HCN1: variants seen among roughly 807,000 people sequenced by gnomAD.
The protein encoded by HCN1 is potassium/sodium hyperpolarization-activated cyclic nucleotide-gated channel 1.
In HCN1, 13 loss-of-function variants were observed where a neutral mutation model predicts 78.9. The observed-to-expected ratio is 0.16, with a 90% CI of 0.11 to 0.26. The LOEUF is 0.26. HCN1 is among the 10% of genes least tolerant of loss of function. The probability of loss-of-function intolerance (pLI) is 1.00; values close to 1 mark genes in which losing one functional copy is unlikely to be tolerated. For synonymous variants in HCN1, 552 were observed against 455.5 expected, an observed-to-expected ratio of 1.21 and a Z score of -2.70; for missense variants, 810 against 1,154.3, an observed-to-expected ratio of 0.70 and a Z score of 4.32.
intron 5 of HCN1, among the ~76,000 whole-genome samples, chr5:45,334,983 TA>T (rs1746424202): frequency 6.6e-6 from 1 of 152,030 alleles, no homozygotes; most frequent in African/African-American, 2.4e-5. Flanking sequence ...TTTTCTTGCA[TA>T]ACTATCTATT....
chr5:45,581,036 C>G (rs1171369041), intron 2 of HCN1, among the ~76,000 whole-genome samples: 3 of 152,102 alleles, frequency 2.0e-5, no homozygotes, highest in African/African-American at 7.2e-5. Context: ...GTTTTATAAC[C>G]CTTTGGGTAT....
intron 6 of HCN1, among the ~76,000 whole-genome samples, chr5:45,286,579 TG>T (rs771100310): frequency 6.6e-6 from 1 of 152,064 alleles, no homozygotes; most frequent in Non-Finnish European, 1.5e-5. Context: ...TTCTCACTCA[TG>T]TCCAATCTGA....
chr5:45,301,852 C>G (rs1745629668), intron 6 of HCN1, among the ~76,000 whole-genome samples: 1 of 151,176 alleles, frequency 6.6e-6, no homozygotes, highest in South Asian at 2.1e-4. Context: ...TAATGAGGAT[C>G]AAAATAATGA....
At chr5:45,608,343 G>T (rs1362515292) in intron 2 of HCN1, among the ~76,000 whole-genome samples, 1 of 147,760 alleles carries the variant, frequency 6.8e-6, no homozygotes, top group Non-Finnish European at 1.5e-5. Flanking sequence ...GTTCCAAATG[G>T]GTAGGATGGG....
chr5:45,638,453 A>C (rs929118556), intron 2 of HCN1, among the ~76,000 whole-genome samples: 1 of 152,244 alleles, frequency 6.6e-6, no homozygotes, highest in Non-Finnish European at 1.5e-5. Context: ...ATTTCAAATC[A>C]GATCTTATAT....
chr5:45,367,814 G>A lies in HCN1; in HGVS notation c.1231-14568C>T, dbSNP rs1747266558. Among the ~76,000 whole-genome samples the A allele has an allele frequency of 2.0e-5, 3 of 151,784 alleles. No homozygotes were observed. The South Asian group carries it at 6.2e-4, about 31-fold the overall frequency. On this transcript the variant is annotated intron_variant, in intron 4 of 7. Transcript: ENST00000303230. Reference sequence around the variant, plus strand: ...ATACAAAACAAAACAAAGTTTCCAGGTAAACTTCACAGCAATAATTGAGAG... The same window carrying A: ...ATACAAAACAAAACAAAGTTTCCAGATAAACTTCACAGCAATAATTGAGAG...
chr5:45,450,426 T>C (rs186580273), intron 3 of HCN1, among the ~76,000 whole-genome samples: 89 of 152,276 alleles, frequency 5.8e-4, no homozygotes, highest in South Asian at 1.4e-3. Flanking sequence ...TCTGATTGAG[T>C]TTTATAGATA....
At chr5:45,692,210 T>G (rs1026711500) in intron 1 of HCN1, among the ~76,000 whole-genome samples, 2 of 152,190 alleles carry the variant, frequency 1.3e-5, no homozygotes, top group African/African-American at 4.8e-5. Context: ...TTTCAACCTA[T>G]TTAAATGATT....
chr5:45,256,062 AAAC>A lies in HCN1; in HGVS notation c.*5856_*5858del, dbSNP rs1376380413. On this transcript the variant is annotated 3_prime_UTR_variant, in exon 8 of 8. Transcript: ENST00000303230. The stretch of plus-strand genomic sequence containing the variant: ...ATTCTCTGCTCATATGGTATTACTG[AAAC>A]AACTACATAGAAAAAAATAGCAGGG... 1 of 152,116 alleles carries A rather than the reference AAAC, an allele frequency of 6.6e-6. No homozygotes were observed. Among genetic ancestry groups the A allele is most frequent in the Non-Finnish European group, 1.5e-5 (1 of 68,034 alleles). The allele number at this position is 152,116 out of a possible 1,614,324, so 9.4% of individuals were successfully genotyped here. A position where few individuals can be genotyped will look rare whatever the true frequency, so the allele number is the denominator to read the frequency against.
At chr5:45,522,103 T>C (rs919103754) in intron 2 of HCN1, among the ~76,000 whole-genome samples, 8 of 151,994 alleles carry the variant, frequency 5.3e-5, no homozygotes, top group Non-Finnish European at 1.2e-4. Flanking sequence ...CCTAATAACC[T>C]ATAGTTAGAA....
At chr5:45,266,259 G>T (rs1744853843) in intron 7 of HCN1, among the ~76,000 whole-genome samples, 1 of 151,922 alleles carries the variant, frequency 6.6e-6, no homozygotes, top group Admixed American at 6.6e-5. Context: ...TGATGTTTGC[G>T]AGGTAAAGCA....
chr5:45,549,663 C>A (rs969030673), intron 2 of HCN1, among the ~76,000 whole-genome samples: 68 of 151,950 alleles, frequency 4.5e-4, no homozygotes, highest in African/African-American at 5.3e-4. Flanking sequence ...TAATTAAACT[C>A]AAGAGCTTCT....
intron 2 of HCN1, among the ~76,000 whole-genome samples, chr5:45,473,728 C>T (rs774005009): frequency 1.3e-5 from 2 of 151,704 alleles, no homozygotes; most frequent in Non-Finnish European, 3.0e-5. Flanking sequence ...TGGTATTCCT[C>T]TCAATCCTCT....
intron 2 of HCN1, among the ~76,000 whole-genome samples, chr5:45,497,354 A>T (rs1742061237): frequency 1.3e-5 from 2 of 152,078 alleles, no homozygotes; most frequent in African/African-American, 4.8e-5. Flanking sequence ...TTTGCAGGTC[A>T]CTCAGGACTT....
Position 45,646,367 on chromosome 5 carries a change from CTTTT to C in HCN1, c.426-763_426-760del, listed in dbSNP as rs201964510. ...TTCCATAAAAATTCTTTCTTTCTTT[CTTTT>C]TTTTTTTTTTTTTTTTGAGACGGAG... On this transcript the variant is annotated intron_variant, in intron 1 of 7. Transcript: ENST00000303230. 3.6e-3 allele frequency among the ~76,000 whole-genome samples: 444 copies of C among 123,462 alleles called. 1 individual carries two copies. Among genetic ancestry groups the C allele is most frequent in the Middle Eastern group, 0.014 (3 of 214 alleles). 81.0% of individuals were successfully genotyped at this position (123,462 alleles called of 152,430 possible).
At chr5:45,579,485 T>TGCGAG (rs1480412719) in intron 2 of HCN1, among the ~76,000 whole-genome samples, 4 of 152,034 alleles carry the variant, frequency 2.6e-5, no homozygotes. Context: ...TGCAAGTATC[T>TGCGAG]ACCATGGTCT....
intron 5 of HCN1, among the ~76,000 whole-genome samples, chr5:45,322,275 G>A (rs1028597988): frequency 1.1e-4 from 17 of 151,848 alleles, no homozygotes; most frequent in Admixed American, 6.6e-5. Flanking sequence ...GCAAATAGGT[G>A]AATACTGTGT....
chr5:45,482,004 T>C (rs1222430909), intron 2 of HCN1, among the ~76,000 whole-genome samples: 1 of 152,152 alleles, frequency 6.6e-6, no homozygotes, highest in African/African-American at 2.4e-5. Flanking sequence ...TGTAGTTGGG[T>C]ATGTGATAGG....
intron 3 of HCN1, among the ~76,000 whole-genome samples, chr5:45,439,986 TATA>T (rs1167296276): frequency 4.0e-5 from 6 of 148,268 alleles, no homozygotes; most frequent in African/African-American, 1.2e-4. Context: ...ATATATAATA[TATA>T]ATGATAATAT....
Sources: allele counts gnomAD v4.1 joint callset (sites outside exome capture counted in the v4.1 genomes callset), GRCh38; gene constraint gnomAD v4.1.1; transcripts MANE v1.5; gene names NCBI Gene and HGNC (gene_info 2026-07-23, HGNC 2026-07-21).